SH2B3: variants seen among roughly 807,000 people sequenced by gnomAD.
SH2B3 encodes SH2B adapter protein 3.
A neutral mutation model predicts 51.9 loss-of-function variants in SH2B3; 43 were observed. The ratio of observed to expected loss-of-function variants is 0.83; its 90% CI spans 0.65 to 1.07. The LOEUF is 1.07. SH2B3 is among the 50% of genes least tolerant of loss of function. SH2B3 has a pLI of 0.00. For missense variants in SH2B3, 952 were observed against 834.3 expected (o/e 1.14, Z -1.74); for synonymous variants, 396 against 376.0 (o/e 1.05, Z -0.62).
At chr12:111,414,097 G>A (rs1384069969) in intron 1 of SH2B3, among the ~76,000 whole-genome samples, 1 of 152,236 alleles carries the variant, frequency 6.6e-6, no homozygotes, top group Non-Finnish European at 1.5e-5. Context: ...TGGGTGTGGG[G>A]AACAGTAGGA....
intron 2 of SH2B3, among the ~76,000 whole-genome samples, chr12:111,423,578 G>A (rs1329794375): frequency 1.3e-5 from 2 of 152,140 alleles, no homozygotes; most frequent in African/African-American, 4.8e-5. Context: ...CACCGTGTTA[G>A]CCCGGATGGT....
chr12:111,418,445 C>A lies in SH2B3; in HGVS notation c.300C>A (p.Ala100=). ...RDTGRGPPAK[A]EASPEPGPGP... ...CAGGCCGTGGGCCCCCAGCCAAGGC[C>A]GAGGCGTCCCCGGAGCCAGGCCCCG... Residue 100 remains alanine, a synonymous_variant, in exon 2 of 8, where the codon GCC becomes GCA. Transcript: ENST00000341259. The surrounding 1 kb of genome is among the most constrained non-coding windows in gnomAD (Gnocchi z 6.7). The A allele has an allele frequency of 7.0e-7, 1 of 1,418,652 alleles. No individual in the cohort carries two copies. The highest frequency in any genetic ancestry group is 1.4e-5 in the South Asian group (1 of 71,784). 87.9% of individuals were successfully genotyped at this position (1,418,652 alleles called of 1,614,324 possible).
In SH2B3 at chr12:111,435,583, T is replaced by A. The variant is rs533498104; in HGVS notation, c.733-11170T>A. 6.6e-6 allele frequency among the ~76,000 whole-genome samples: 1 copy of A among 152,160 alleles called. No individual in the cohort carries two copies. On this transcript the variant is annotated intron_variant, in intron 2 of 7. Coordinates refer to ENST00000341259, the MANE Select transcript of SH2B3 (RefSeq NM_005475.3). The surrounding 1 kb of genome is among the most constrained non-coding windows in gnomAD (Gnocchi z 4.8). Reference sequence around the variant, plus strand: ...CATGTTGGCCAGGCTGGTCTCGAACTCCTGACCTCAAGTGATCCGCCCATC... The same window carrying A: ...CATGTTGGCCAGGCTGGTCTCGAACACCTGACCTCAAGTGATCCGCCCATC...
Position 111,409,899 on chromosome 12 carries a change from T to A in SH2B3, c.-28+3622T>A, listed in dbSNP as rs1308441421. ...ACAGGTCCTCCTGGTGCCCCCCCAC[T>A]CCCCGCCCCAGCCGGAAACCCGGCA... On this transcript the variant is annotated intron_variant, in intron 1 of 7. Coordinates refer to ENST00000341259, the MANE Select transcript of SH2B3 (RefSeq NM_005475.3). This position sits in a 1 kb window ranked among gnomAD's most constrained non-coding sequence, Gnocchi z 4.0. 6.6e-6 allele frequency among the ~76,000 whole-genome samples: 1 copy of A among 151,900 alleles called. No individual in the cohort carries two copies. Among genetic ancestry groups the A allele is most frequent in the African/African-American group, 2.4e-5 (1 of 41,354 alleles).
chr12:111,415,219 A>G (rs77943235), intron 1 of SH2B3, among the ~76,000 whole-genome samples: 1,811 of 152,340 alleles, frequency 0.012, 38 homozygotes, highest in African/African-American at 0.042. Flanking sequence ...GTGTGCTGAT[A>G]TCAGGGATCT....
chr12:111,437,449 G>A (rs954410172), intron 2 of SH2B3, among the ~76,000 whole-genome samples: 3 of 152,198 alleles, frequency 2.0e-5, no homozygotes, highest in Admixed American at 2.0e-4. Context: ...TGAACAGGGT[G>A]GTGGGGGTCT....
intron 2 of SH2B3, among the ~76,000 whole-genome samples, chr12:111,440,294 G>A (rs1386266928): frequency 1.3e-5 from 2 of 152,378 alleles, no homozygotes; most frequent in East Asian, 3.9e-4. Flanking sequence ...CTTGCACGGA[G>A]CTGGCCCGGG....
intron 1 of SH2B3, among the ~76,000 whole-genome samples, chr12:111,415,070 A>G (rs971894555): frequency 6.6e-6 from 1 of 152,116 alleles, no homozygotes. Flanking sequence ...CCTCAGTAAC[A>G]CCTGAAGAGA....
At position 111,418,529 on chromosome 12, in the gene SH2B3, G is replaced by A. The variant is rs1222237086; in HGVS notation, c.384G>A (p.Arg128=). 2.1e-6 allele frequency: 3 copies of A among 1,400,426 alleles called. No individual in the cohort carries two copies. Among genetic ancestry groups the A allele is most frequent in the South Asian group, 1.4e-5 (1 of 71,474 alleles). 86.7% of individuals were successfully genotyped at this position (1,400,426 alleles called of 1,614,324 possible). A position where few individuals can be genotyped will look rare whatever the true frequency, so the allele number is the denominator to read the frequency against. Residue 128 remains arginine (R), a synonymous_variant, in exon 2 of 8, where the codon CGG becomes CGA. Transcript: ENST00000341259. The surrounding 1 kb of genome is among the most constrained non-coding windows in gnomAD (Gnocchi z 6.7). ...ARSSEELAPP[R]PPGPCSFQHF... ...GCTCTGAGGAGCTGGCCCCGCCGCG[G>A]CCGCCCGGGCCCTGCTCCTTCCAGC...
intron 2 of SH2B3, among the ~76,000 whole-genome samples, chr12:111,439,368 C>CT (rs1458041068): frequency 1.3e-5 from 2 of 152,232 alleles, no homozygotes; most frequent in Admixed American, 6.5e-5. Flanking sequence ...AGGCTGGTCT[C>CT]TAACTCCTGA....
At chr12:111,412,425 C>T (rs1398504840) in intron 1 of SH2B3, among the ~76,000 whole-genome samples, 1 of 152,188 alleles carries the variant, frequency 6.6e-6, no homozygotes, top group Non-Finnish European at 1.5e-5. Context: ...CATGACGCCC[C>T]GAGCCCAGCC....
At position 111,418,012 on chromosome 12, in the gene SH2B3, T is replaced by A. The variant is rs940912027; in HGVS notation, c.-27-107T>A. 2.5e-6 allele frequency: 2 copies of A among 813,900 alleles called. No homozygotes were observed. The highest frequency in any genetic ancestry group is 3.6e-5 in the African/African-American group (2 of 55,016). 50.4% of individuals were successfully genotyped at this position (813,900 alleles called of 1,614,324 possible). On this transcript the variant is annotated intron_variant, in intron 1 of 7. Coordinates refer to ENST00000341259, the MANE Select transcript of SH2B3 (RefSeq NM_005475.3). The surrounding 1 kb of genome is among the most constrained non-coding windows in gnomAD (Gnocchi z 6.7). ...CCTGCATCTTCACCAGCACTGGGTG[T>A]TATGGTCGCGTTGGATTTCTGCTGT...
chr12:111,413,994 G>T (rs1008966043), intron 1 of SH2B3, among the ~76,000 whole-genome samples: 1 of 152,240 alleles, frequency 6.6e-6, no homozygotes, highest in Non-Finnish European at 1.5e-5. Flanking sequence ...GCGGCAGATC[G>T]TGTAGGTGGG....
At chr12:111,419,007 C>A in intron 2 of SH2B3, 130 bp downstream of exon 2, 2 of 915,500 alleles carry the variant, frequency 2.2e-6, no homozygotes, top group Non-Finnish European at 3.0e-6. Flanking sequence ...GGGAACTAGG[C>A]CCTCTTAAAA....
intron 2 of SH2B3, among the ~76,000 whole-genome samples, chr12:111,433,552 T>C (rs1243112507): frequency 1.3e-5 from 2 of 152,084 alleles, no homozygotes; most frequent in Admixed American, 6.6e-5. Flanking sequence ...CTCAGTGTGG[T>C]GTTTTTTTTG....
chr12:111,427,096 C>T (rs193000817), intron 2 of SH2B3, among the ~76,000 whole-genome samples: 4 of 152,056 alleles, frequency 2.6e-5, no homozygotes, highest in South Asian at 2.1e-4. Context: ...TTATGGAATC[C>T]GGGGATCGGC....
rs1874281925 is a variant in SH2B3 at position 111,448,475 on chromosome 12, C to T, written c.*173C>T. 1 of 603,318 alleles carries T rather than the reference C, an allele frequency of 1.7e-6. No individual in the cohort carries two copies. Among genetic ancestry groups the T allele is most frequent in the South Asian group, 2.0e-5 (1 of 49,392 alleles). The allele number at this position is 603,318 out of a possible 1,614,324, so 37.4% of individuals were successfully genotyped here. On this transcript the variant is annotated 3_prime_UTR_variant, in exon 8 of 8. Coordinates refer to ENST00000341259, the MANE Select transcript of SH2B3 (RefSeq NM_005475.3). ...CTATTAGGCCTGTTGAAGGGCCCTC[C>T]TGTAGGTTTCATCTATCCACCTGGC...
intron 2 of SH2B3, among the ~76,000 whole-genome samples, chr12:111,431,092 AC>A (rs1377893177): frequency 6.6e-6 from 1 of 151,654 alleles, no homozygotes; most frequent in Non-Finnish European, 1.5e-5. Flanking sequence ...GGGGCCCCAT[AC>A]CCCCTTTTTC....
Position 111,418,664 on chromosome 12 carries a change from CG to C in SH2B3, c.520del (p.Ala174ProfsTer23). ...CCCCCGGAGAGGCTGCTGAGACCCCCGCCCGGCCTGGCCTGGCCAAGAAGTT... is the reference window on the plus strand; with the variant it reads ...CCCCCGGAGAGGCTGCTGAGACCCCCCCCGGCCTGGCCTGGCCAAGAAGTT... ...GTPGEAAETP[A>X]RPGLAKKFLP... On this transcript the variant is annotated frameshift_variant, in exon 2 of 8. Coordinates refer to ENST00000341259, the MANE Select transcript of SH2B3 (RefSeq NM_005475.3). LOFTEE classifies it high-confidence loss of function. The surrounding 1 kb of genome is among the most constrained non-coding windows in gnomAD (Gnocchi z 6.7). The C allele has an allele frequency of 6.7e-7, 1 of 1,488,064 alleles. No homozygotes were observed. The highest frequency in any genetic ancestry group is 8.9e-7 in the Non-Finnish European group (1 of 1,127,876). The allele number at this position is 1,488,064 out of a possible 1,614,324, so 92.2% of individuals were successfully genotyped here.
Sources: gnomAD v4.1 joint callset for allele counts (sites outside exome capture counted in the v4.1 genomes callset) on GRCh38, gnomAD v4.1.1 for gene constraint, Gnocchi (gnomAD v3.1) non-coding constraint, MANE v1.5 for transcripts, NCBI Gene and HGNC (gene_info 2026-07-23, HGNC 2026-07-21) for gene names.